FA2H: variants seen among roughly 807,000 people sequenced by gnomAD.
FA2H encodes fatty acid 2-hydroxylase.
FA2H carries 22 observed loss-of-function variants against 44.9 expected under a neutral mutation model. The observed-to-expected ratio is 0.49, with a 90% CI of 0.35 to 0.70. The LOEUF (loss-of-function observed/expected upper bound fraction) is 0.70, where lower values mean the gene tolerates loss of function less well. Among genes scored for constraint, FA2H ranks in the 30% least tolerant of loss-of-function variants. FA2H has a pLI of 0.01. For missense variants in FA2H, 501 were observed against 504.9 expected, an observed-to-expected ratio of 0.99 and a Z score of 0.07; for synonymous variants, 243 against 213.2, an observed-to-expected ratio of 1.14 and a Z score of -1.22.
chr16:74,747,393 A>G (rs985383616), intron 1 of FA2H, among the ~76,000 whole-genome samples: 1 of 152,146 alleles, frequency 6.6e-6, no homozygotes, highest in African/African-American at 2.4e-5. Context: ...GAATCACAGT[A>G]GAGTCTCAGG....
At chr16:74,756,710 G>C (rs574857058) in intron 1 of FA2H, among the ~76,000 whole-genome samples, 5 of 152,220 alleles carry the variant, frequency 3.3e-5, no homozygotes, top group Admixed American at 2.6e-4. Context: ...GTAAATGACT[G>C]ATATGTGAAA....
In FA2H at chr16:74,721,107, T is replaced by C. The variant is rs762702508; in HGVS notation, c.614-1947A>G. 9.9e-5 allele frequency among the ~76,000 whole-genome samples: 15 copies of C among 152,280 alleles called. 2 individuals are homozygous for C. The highest frequency in any genetic ancestry group is 1.6e-4 in the Non-Finnish European group (11 of 68,016). ...GGAGTGGTACTGTTGGTTCATATCATAACTCTATGTTTAACCTTTTGAAGA... is the reference window on the plus strand; with the variant it reads ...GGAGTGGTACTGTTGGTTCATATCACAACTCTATGTTTAACCTTTTGAAGA... On this transcript the variant is annotated intron_variant, in intron 4 of 6. Coordinates refer to ENST00000219368, the MANE Select transcript of FA2H (RefSeq NM_024306.5).
At chr16:74,744,625 A>T (rs1413787463) in intron 1 of FA2H, among the ~76,000 whole-genome samples, 1 of 151,604 alleles carries the variant, frequency 6.6e-6, no homozygotes, top group African/African-American at 2.4e-5. Context: ...CTAATTTTTA[A>T]TTTTTTTGTA....
At chr16:74,752,110 C>T (rs946556674) in intron 1 of FA2H, among the ~76,000 whole-genome samples, 8 of 152,136 alleles carry the variant, frequency 5.3e-5, no homozygotes, top group Non-Finnish European at 1.0e-4. Flanking sequence ...TCCATGTCCA[C>T]GACAATTTCA....
intron 1 of FA2H, among the ~76,000 whole-genome samples, chr16:74,755,099 C>A (rs1962590560): frequency 6.6e-6 from 1 of 151,902 alleles, no homozygotes; most frequent in Non-Finnish European, 1.5e-5. Context: ...AGGGAACCAA[C>A]CCTGTTGAAA....
chr16:74,727,302 T>C lies in FA2H; in HGVS notation c.448A>G (p.Thr150Ala), dbSNP rs1245653901. The C allele has an allele frequency of 3.1e-6, 5 of 1,614,042 alleles. No homozygotes were observed. Among genetic ancestry groups the C allele is most frequent in the East Asian group, 4.5e-5 (2 of 44,894 alleles). Reference sequence around the variant, plus strand: ...GAGTGGAAGAGGCGGATGGGCCTGGTCACCGGCTGGTGAACCCACTCATCG... The same window carrying C: ...GAGTGGAAGAGGCGGATGGGCCTGGCCACCGGCTGGTGAACCCACTCATCG... ...KYDEWVHQPV[T>A]RPIRLFHSDL... Residue 150 changes from threonine (T) to alanine (A), a missense_variant, in exon 3 of 7, where the codon ACC becomes GCC. Physicochemically the swap from Thr to Ala is moderately conservative, Grantham distance 58. Transcript: ENST00000219368.
At chr16:74,743,905 G>C (rs1231973456) in intron 1 of FA2H, among the ~76,000 whole-genome samples, 1 of 152,174 alleles carries the variant, frequency 6.6e-6, no homozygotes, top group Non-Finnish European at 1.5e-5. Context: ...GGTGTCAGTA[G>C]CAGGAATACT....
chr16:74,740,157 G>A (rs757127077), intron 1 of FA2H, 42 bp from the exon 2 acceptor site: 2 of 1,527,470 alleles, frequency 1.3e-6, no homozygotes, highest in Non-Finnish European at 1.8e-6. Context: ...CAGTGGGTGA[G>A]GGAAGAGGGC....
chr16:74,733,189 T>C (rs966211310), intron 2 of FA2H, among the ~76,000 whole-genome samples: 1 of 152,178 alleles, frequency 6.6e-6, no homozygotes, highest in Admixed American at 6.5e-5. Flanking sequence ...AGGACCACCC[T>C]GGAGGAATCC....
chr16:74,749,799 G>C (rs1203612610), intron 1 of FA2H, among the ~76,000 whole-genome samples: 1 of 152,190 alleles, frequency 6.6e-6, no homozygotes, highest in Non-Finnish European at 1.5e-5. Flanking sequence ...GGGATCCTTA[G>C]CCCTCCAGCC....
At chr16:74,772,410 C>A (rs1055719786) in intron 1 of FA2H, among the ~76,000 whole-genome samples, 3 of 152,240 alleles carry the variant, frequency 2.0e-5, no homozygotes, top group Admixed American at 2.0e-4. Context: ...ATCATGTGAT[C>A]TGTGTGTTCC....
intron 1 of FA2H, among the ~76,000 whole-genome samples, chr16:74,760,552 C>T (rs556988774): frequency 4.6e-5 from 7 of 152,224 alleles, no homozygotes; most frequent in Non-Finnish European, 1.0e-4. Flanking sequence ...AGTAACTGAG[C>T]GTGCAGGGAG....
At position 74,762,412 on chromosome 16, in the gene FA2H, C is replaced by A. The variant is rs898567455; in HGVS notation, c.270+12074G>T. Among the ~76,000 whole-genome samples, 3 of 152,342 alleles carry A rather than the reference C, an allele frequency of 2.0e-5. No individual in the cohort carries two copies. The East Asian group carries it at 5.8e-4, about 29-fold the overall frequency. ...ACGACTTGACTCATTATTTGCTCAACTAAAAATCAGTGCAACACTGCGAAC... is the reference window on the plus strand; with the variant it reads ...ACGACTTGACTCATTATTTGCTCAAATAAAAATCAGTGCAACACTGCGAAC... On this transcript the variant is annotated intron_variant, in intron 1 of 6. Coordinates refer to ENST00000219368, the MANE Select transcript of FA2H (RefSeq NM_024306.5).
intron 5 of FA2H, among the ~76,000 whole-genome samples, chr16:74,718,148 G>C (rs1308874277): frequency 6.6e-6 from 1 of 152,158 alleles, no homozygotes; most frequent in East Asian, 1.9e-4. Context: ...ACCCCGAATC[G>C]GCTCATCGAG....
Position 74,713,353 on chromosome 16 carries a change from G to T in FA2H, c.*837C>A. 6.5e-6 allele frequency: 1 copy of T among 152,726 alleles called. No individual in the cohort carries two copies. The allele number at this position is 152,726 out of a possible 1,614,324, so 9.5% of individuals were successfully genotyped here. ...AGGAAGGGGCAGGAACCTCATCTGC[G>T]GAGGCTGGGAGGCAGGGGGAGGTGA... On this transcript the variant is annotated 3_prime_UTR_variant, in exon 7 of 7. Coordinates refer to ENST00000219368, the MANE Select transcript of FA2H (RefSeq NM_024306.5).
intron 1 of FA2H, among the ~76,000 whole-genome samples, chr16:74,773,463 T>C (rs1196397801): frequency 8.5e-5 from 13 of 152,182 alleles, no homozygotes; most frequent in Non-Finnish European, 2.9e-5. Context: ...GGGGAACTAC[T>C]GTATATCTAA....
At chr16:74,745,824 G>A (rs1300158260) in intron 1 of FA2H, among the ~76,000 whole-genome samples, 1 of 62,548 alleles carries the variant, frequency 1.6e-5, no homozygotes, top group Admixed American at 1.8e-4. Flanking sequence ...TTTTTTTTTT[G>A]AGACAGAGTC....
At chr16:74,757,040 GA>G (rs139531844) in intron 1 of FA2H, among the ~76,000 whole-genome samples, 17 of 145,996 alleles carry the variant, frequency 1.2e-4, no homozygotes, top group South Asian at 6.5e-4. Context: ...GTTTTGCGTT[GA>G]AAAAAAAAAC....
intron 4 of FA2H, among the ~76,000 whole-genome samples, chr16:74,722,149 C>A (rs1377650308): frequency 6.9e-6 from 1 of 144,424 alleles, no homozygotes; most frequent in African/African-American, 2.5e-5. Context: ...CTCCTTCAGT[C>A]TCTCCTTTTC....
Sources: allele counts gnomAD v4.1 joint callset (sites outside exome capture counted in the v4.1 genomes callset), GRCh38; gene constraint gnomAD v4.1.1; transcripts MANE v1.5; gene names NCBI Gene and HGNC (gene_info 2026-07-23, HGNC 2026-07-21).